ING3: variants seen among roughly 807,000 people sequenced by gnomAD.
The protein encoded by ING3 is inhibitor of growth family member 3.
ING3 carries 6 observed loss-of-function variants against 64.8 expected under a neutral mutation model. That is an observed-to-expected ratio of 0.09 (90% CI 0.05 to 0.18). ING3 has a LOEUF of 0.18. Among genes scored for constraint, ING3 ranks in the 10% least tolerant of loss-of-function variants. The pLI, the probability that ING3 is intolerant of heterozygous loss-of-function variation, is 1.00. For missense variants in ING3, 310 were observed against 489.7 expected (o/e 0.63, Z 3.46); for synonymous variants, 170 against 173.7 (o/e 0.98, Z 0.17).
chr7:120,957,480 G>A (rs570660820), intron 4 of ING3, among the ~76,000 whole-genome samples: 2 of 152,206 alleles, frequency 1.3e-5, no homozygotes, highest in Admixed American at 6.5e-5. Context: ...AATCCATACA[G>A]AAACATGTAA....
At chr7:120,963,972 G>T (rs1159125830) in intron 4 of ING3, among the ~76,000 whole-genome samples, 3 of 151,972 alleles carry the variant, frequency 2.0e-5, no homozygotes, top group Non-Finnish European at 4.4e-5. Flanking sequence ...TCAAAGTAAT[G>T]AGTTTGAAAA....
intron 4 of ING3, among the ~76,000 whole-genome samples, chr7:120,961,532 T>TA (rs2116669138): frequency 6.6e-6 from 1 of 152,324 alleles, no homozygotes; most frequent in East Asian, 1.9e-4. Context: ...CCATTAGTGA[T>TA]ACACTTTAAA....
chr7:120,969,442 T>C (rs1310480008), intron 9 of ING3, among the ~76,000 whole-genome samples: 2 of 151,948 alleles, frequency 1.3e-5, no homozygotes, highest in Non-Finnish European at 2.9e-5. Context: ...TGTTAATACA[T>C]GACTTCTTTT....
At chr7:120,960,124 C>T (rs1413325542) in intron 4 of ING3, among the ~76,000 whole-genome samples, 3 of 152,228 alleles carry the variant, frequency 2.0e-5, no homozygotes, top group South Asian at 2.1e-4. Context: ...AAGAAAGAAC[C>T]ACCTGTTGGA....
At position 120,969,187 on chromosome 7, in the gene ING3, G is replaced by A. The variant is rs774056554; in HGVS notation, c.891G>A (p.Arg297=). Residue 297 remains arginine (R), a synonymous_variant, in exon 9 of 12, where the codon CGG becomes CGA. Coordinates refer to ENST00000315870, the MANE Select transcript of ING3 (RefSeq NM_019071.3). ...QNASSSAADS[R]SGRKSKNNNK... ...CCAGTTCATCAGCAGCCGACTCACGGAGTGGTCGAAAGAGCAAGTAAGTTT... is the reference window on the plus strand; with the variant it reads ...CCAGTTCATCAGCAGCCGACTCACGAAGTGGTCGAAAGAGCAAGTAAGTTT... The A allele has an allele frequency of 3.1e-6, 5 of 1,613,452 alleles. No individual in the cohort carries two copies. In the South Asian group the frequency reaches 5.5e-5, roughly 18 times the overall value.
Position 120,976,231 on chromosome 7 carries a change from A to T in ING3, c.*1387A>T, listed in dbSNP as rs1451236578. 1 of 152,282 alleles carries T rather than the reference A, an allele frequency of 6.6e-6. No homozygotes were observed. The highest frequency in any genetic ancestry group is 1.9e-4 in the East Asian group (1 of 5,188). 9.4% of individuals were successfully genotyped at this position (152,282 alleles called of 1,614,324 possible). A position where few individuals can be genotyped will look rare whatever the true frequency, so the allele number is the denominator to read the frequency against. ...TAACTTTTAAGATACTTAATATATC[A>T]TATATATTTTATATTGAAACTTACT... On this transcript the variant is annotated 3_prime_UTR_variant, in exon 12 of 12. Coordinates refer to ENST00000315870, the MANE Select transcript of ING3 (RefSeq NM_019071.3).
At chr7:120,971,617 T>G (rs1394343815) in intron 10 of ING3, among the ~76,000 whole-genome samples, 3 of 152,148 alleles carry the variant, frequency 2.0e-5, no homozygotes, top group Non-Finnish European at 4.4e-5. Context: ...TGATTTTTCT[T>G]TAAGATCATA....
At chr7:120,957,371 TAAAAAAA>T (rs35872651) in intron 4 of ING3, among the ~76,000 whole-genome samples, 1 of 139,280 alleles carries the variant, frequency 7.2e-6, no homozygotes, top group African/African-American at 2.6e-5. Context: ...GACTCTGTCT[TAAAAAAA>T]AAAAAAAAAG....
chr7:120,950,806 G>A lies in ING3; in HGVS notation c.-91G>A. On this transcript the variant is annotated 5_prime_UTR_variant, in exon 1 of 12. Coordinates refer to ENST00000315870, the MANE Select transcript of ING3 (RefSeq NM_019071.3). ...AGTCGAGCGGGTGCTGCTAGCGGAGGCGCCATATTGGAGGGGACAAAACTC... is the reference window on the plus strand; with the variant it reads ...AGTCGAGCGGGTGCTGCTAGCGGAGACGCCATATTGGAGGGGACAAAACTC... The A allele has an allele frequency of 2.5e-6, 3 of 1,177,866 alleles. No individual in the cohort carries two copies. Among genetic ancestry groups the A allele is most frequent in the Non-Finnish European group, 3.6e-6 (3 of 836,392 alleles). 73.0% of individuals were successfully genotyped at this position (1,177,866 alleles called of 1,614,324 possible). A position where few individuals can be genotyped will look rare whatever the true frequency, so the allele number is the denominator to read the frequency against.
At chr7:120,974,691 G>A (rs774659228) in intron 11 of ING3, 37 bp from the exon 12 acceptor site, 1 of 1,131,614 alleles carries the variant, frequency 8.8e-7, no homozygotes, top group South Asian at 1.2e-5. Flanking sequence ...GTCTTCAGAA[G>A]TACTGAAAAC....
At chr7:120,950,963 T>G (rs1584984876) in intron 1 of ING3, 39 bp downstream of exon 1, 1 of 1,519,046 alleles carries the variant, frequency 6.6e-7, no homozygotes, top group Non-Finnish European at 8.9e-7. Flanking sequence ...CAGTGGGACG[T>G]GCGGGCGGGC....
At chr7:120,961,800 A>G (rs552570377) in intron 4 of ING3, among the ~76,000 whole-genome samples, 18 of 152,336 alleles carry the variant, frequency 1.2e-4, no homozygotes, top group African/African-American at 4.3e-4. Flanking sequence ...TTGGGATTAT[A>G]GGGCAAGGAA....
intron 4 of ING3, among the ~76,000 whole-genome samples, chr7:120,962,674 G>T (rs1281541427): frequency 6.6e-6 from 1 of 151,724 alleles, no homozygotes; most frequent in African/African-American, 2.4e-5. Flanking sequence ...ATCATACTTT[G>T]TTTTTCTCTA....
chr7:120,966,043 A>C (rs565601376), intron 5 of ING3, among the ~76,000 whole-genome samples: 1 of 152,180 alleles, frequency 6.6e-6, no homozygotes, highest in Non-Finnish European at 1.5e-5. Context: ...GTGCCCTGCC[A>C]TAATTTCATC....
Position 120,950,889 on chromosome 7 carries a change from G to A in ING3, c.-8G>A. ...GACCCCCTTGTTCCCTCAGCTCTAA[G>A]GGCCGCGATGTTGTACCTAGAAGAC... On this transcript the variant is annotated 5_prime_UTR_variant, in exon 1 of 12. Transcript: ENST00000315870. 1 of 1,613,500 alleles carries A rather than the reference G, an allele frequency of 6.2e-7. No individual in the cohort carries two copies. Among genetic ancestry groups the A allele is most frequent in the African/African-American group, 1.3e-5 (1 of 74,914 alleles).
At chr7:120,971,004 C>T (rs925235888) in intron 10 of ING3, 124 bp downstream of exon 10, 3 of 1,028,558 alleles carry the variant, frequency 2.9e-6, no homozygotes, top group Non-Finnish European at 4.2e-6. Context: ...ATACTTTTCT[C>T]CCCCTTCTTA....
At chr7:120,963,710 G>A (rs541115682) in intron 4 of ING3, among the ~76,000 whole-genome samples, 3 of 152,144 alleles carry the variant, frequency 2.0e-5, no homozygotes, top group South Asian at 4.1e-4. Context: ...CCTCTTCATA[G>A]GCATCTAACC....
Position 120,950,785 on chromosome 7 carries a change from G to C in ING3, c.-112G>C, listed in dbSNP as rs545394114. On this transcript the variant is annotated 5_prime_UTR_variant, in exon 1 of 12. Coordinates refer to ENST00000315870, the MANE Select transcript of ING3 (RefSeq NM_019071.3). The stretch of plus-strand genomic sequence containing the variant: ...TTCTTTTTTTTTTTTTGCCGGAGTC[G>C]AGCGGGTGCTGCTAGCGGAGGCGCC... 5 of 681,084 alleles carry C rather than the reference G, an allele frequency of 7.3e-6. No individual in the cohort carries two copies. The highest frequency in any genetic ancestry group is 6.3e-5 in the East Asian group (2 of 31,846). 42.2% of individuals were successfully genotyped at this position (681,084 alleles called of 1,614,324 possible).
intron 4 of ING3, among the ~76,000 whole-genome samples, chr7:120,957,243 G>T (rs1036088372): frequency 3.3e-5 from 5 of 152,092 alleles, no homozygotes; most frequent in African/African-American, 1.2e-4. Context: ...CTGGTGGCGG[G>T]TGCCTGTAGT....
Sources: gnomAD v4.1 joint callset for allele counts (sites outside exome capture counted in the v4.1 genomes callset) on GRCh38, gnomAD v4.1.1 for gene constraint, MANE v1.5 for transcripts, NCBI Gene and HGNC (gene_info 2026-07-23, HGNC 2026-07-21) for gene names.